The following ASAP2 variants were observed in gnomAD, a reference collection of about 807,000 sequenced individuals.
The protein encoded by ASAP2 is ArfGAP with SH3 domain, ankyrin repeat and PH domain 2, also known as arf-GAP with SH3 domain, ANK repeat and PH domain-containing protein 2.
ASAP2 carries 45 observed loss-of-function variants against 131.4 expected under a neutral mutation model. The ratio of observed to expected loss-of-function variants is 0.34; its 90% confidence interval spans 0.27 to 0.44. The LOEUF (loss-of-function observed/expected upper bound fraction) is 0.44. Among genes scored for constraint, ASAP2 ranks in the 20% least tolerant of loss-of-function variants. The pLI, the probability that ASAP2 is intolerant of heterozygous loss-of-function variation, is 1.00. For missense variants in ASAP2, 1,011 were observed against 1,297.0 expected (o/e 0.78, Z 3.39); for synonymous variants, 510 against 503.0 (o/e 1.01, Z -0.19).
chr2:9,364,675 TG>T (rs1209207811), intron 15 of ASAP2, among the ~76,000 whole-genome samples: 1 of 152,220 alleles, frequency 6.6e-6, no homozygotes, highest in Non-Finnish European at 1.5e-5. Flanking sequence ...AGAGAGCATG[TG>T]GAGAGGAAAG....
intron 8 of ASAP2, 44 bp downstream of exon 8, chr2:9,334,857 CA>C: frequency 6.4e-7 from 1 of 1,556,270 alleles, no homozygotes; most frequent in Non-Finnish European, 8.8e-7. Context: ...CATCTTAATG[CA>C]ACAGACATTT....
At chr2:9,394,026 A>G (rs1435929477) in intron 24 of ASAP2, among the ~76,000 whole-genome samples, 1 of 152,178 alleles carries the variant, frequency 6.6e-6, no homozygotes, top group African/African-American at 2.4e-5. Flanking sequence ...ACATTGTCCT[A>G]CCTCACACAA....
chr2:9,305,174 G>A (rs1668793576), intron 3 of ASAP2, among the ~76,000 whole-genome samples: 1 of 150,782 alleles, frequency 6.6e-6, no homozygotes, highest in African/African-American at 2.5e-5. Flanking sequence ...CTGGAGTAGT[G>A]AGGTATAGAT....
intron 2 of ASAP2, among the ~76,000 whole-genome samples, chr2:9,287,359 G>A (rs1025592071): frequency 1.3e-4 from 20 of 152,188 alleles, no homozygotes; most frequent in Admixed American, 1.2e-3. Context: ...TGAAGTCTTT[G>A]GTGCTTATAA....
chr2:9,207,152 G>A lies in ASAP2; in HGVS notation c.48G>A (p.Glu16=). The change falls in exon 1 of 28, where the codon GAG becomes GAA. Residue 16 remains glutamate (E), a synonymous_variant. Transcript: ENST00000281419. This position sits in a 1 kb window ranked among gnomAD's most constrained non-coding sequence, Gnocchi z 4.1. ...SVSEFVAETH[E]DYKAPTASSF... ...CGGAATTCGTGGCCGAGACCCATGAGGACTACAAGGCGCCCACGGCCTCCA... is the reference window on the plus strand; with the variant it reads ...CGGAATTCGTGGCCGAGACCCATGAAGACTACAAGGCGCCCACGGCCTCCA... The A allele has an allele frequency of 6.2e-7, 1 of 1,605,708 alleles. No homozygotes were observed. The highest frequency in any genetic ancestry group is 8.5e-7 in the Non-Finnish European group (1 of 1,176,602).
intron 19 of ASAP2, among the ~76,000 whole-genome samples, chr2:9,380,002 A>T (rs1181473204): frequency 6.7e-5 from 10 of 149,282 alleles, no homozygotes; most frequent in Middle Eastern, 3.4e-3. Flanking sequence ...AAAAAAAAAA[A>T]ATAAATAAAG....
At chr2:9,334,692 T>C in intron 7 of ASAP2, 46 bp from the exon 8 acceptor site, 1 of 1,560,232 alleles carries the variant, frequency 6.4e-7, no homozygotes, top group Non-Finnish European at 8.8e-7. Context: ...CAAAATTATT[T>C]TTTCCTTTGT....
intron 9 of ASAP2, among the ~76,000 whole-genome samples, chr2:9,340,898 A>G (rs1275177122): frequency 6.6e-6 from 1 of 152,214 alleles, no homozygotes; most frequent in Non-Finnish European, 1.5e-5. Flanking sequence ...TGGGTGTCAC[A>G]GGACAGAGGA....
In ASAP2 at chr2:9,385,237, T is replaced by C; in HGVS notation, c.2017-8T>C. ...GCAACAGCACTGACCATCCCTCTGT[T>C]CTCTCAGCTGACCCAAGCCTTATCT... On this transcript the variant is annotated splice_region_variant and splice_polypyrimidine_tract_variant and intron_variant, in intron 20 of 27. Transcript: ENST00000281419. 2 of 1,603,462 alleles carry C rather than the reference T, an allele frequency of 1.2e-6. No individual in the cohort carries two copies. Among genetic ancestry groups the C allele is most frequent in the Non-Finnish European group, 1.7e-6 (2 of 1,170,320 alleles).
chr2:9,267,432 T>C (rs1271039867), intron 1 of ASAP2, among the ~76,000 whole-genome samples: 13 of 152,162 alleles, frequency 8.5e-5, no homozygotes, highest in Non-Finnish European at 5.9e-5. Flanking sequence ...TGCTTAGGAT[T>C]AGGGCCTGCA....
At chr2:9,299,709 C>T (rs1172806633) in intron 3 of ASAP2, among the ~76,000 whole-genome samples, 3 of 152,212 alleles carry the variant, frequency 2.0e-5, no homozygotes, top group Non-Finnish European at 4.4e-5. Context: ...GGTTCTGCTT[C>T]TCACTCCCAG....
intron 16 of ASAP2, among the ~76,000 whole-genome samples, chr2:9,373,194 G>C (rs1016872463): frequency 1.3e-5 from 2 of 152,178 alleles, no homozygotes; most frequent in African/African-American, 4.8e-5. Context: ...ACTGGAGCCG[G>C]AGCAGGAGGG....
At chr2:9,316,664 C>T (rs1438917906) in intron 3 of ASAP2, among the ~76,000 whole-genome samples, 9 of 152,142 alleles carry the variant, frequency 5.9e-5, no homozygotes, top group East Asian at 1.9e-4. Flanking sequence ...GCTCTGAGTC[C>T]GTACTTGAAG....
chr2:9,344,592 C>A lies in ASAP2; in HGVS notation c.910C>A (p.His304Asn), dbSNP rs1671828433. 6.2e-7 allele frequency: 1 copy of A among 1,614,180 alleles called. No homozygotes were observed. The highest frequency in any genetic ancestry group is 8.5e-7 in the Non-Finnish European group (1 of 1,180,040). Reference protein sequence around the residue: ...SLHQPQGNKEHGTERNGSLYK... With the variant: ...SLHQPQGNKENGTERNGSLYK... ...ACATCAGCCTCAGGGAAACAAGGAA[C>A]ATGGGACCGAGCGGAACGGCAGCCT... The change falls in exon 10 of 28, where the codon CAT becomes AAT. Residue 304 changes from histidine (H) to asparagine (N), a missense_variant. Physicochemically the swap from His to Asn is moderately conservative, Grantham distance 68 (BLOSUM62 1). This residue lies in a region of ASAP2 where 359 missense variants were observed against 598.1 expected (regional missense o/e 0.60). Coordinates refer to ENST00000281419, the MANE Select transcript of ASAP2 (RefSeq NM_003887.3).
At chr2:9,400,273 CTT>C (rs1558405966) in intron 25 of ASAP2, among the ~76,000 whole-genome samples, 11 of 51,506 alleles carry the variant, frequency 2.1e-4, no homozygotes, top group African/African-American at 1.6e-3. Flanking sequence ...TCTTCCTCTC[CTT>C]CCTTCCCTCC....
Position 9,400,190 on chromosome 2 carries a change from G to GCCCTCCGGCCCCCTC in ASAP2, c.2734+124_2734+125insGGCCCCCTCCCCTCC, listed in dbSNP as rs1558405673. ...GGGCCCAGCTGTCTGCCATTCCACAGCCCTCCTGCCCCCTCCCCTCCTGCC... is the reference window on the plus strand; with the variant it reads ...GGGCCCAGCTGTCTGCCATTCCACAGCCCTCCGGCCCCCTCCCCTCCTGCCCCCTCCCCTCCTGCC... On this transcript the variant is annotated intron_variant, in intron 25 of 27. Transcript: ENST00000281419. The GCCCTCCGGCCCCCTC allele has an allele frequency of 5.3e-4, 430 of 805,230 alleles. 8 individuals are homozygous for GCCCTCCGGCCCCCTC. The African/African-American group carries it at 0.01, about 20-fold the overall frequency. The allele number at this position is 805,230 out of a possible 1,614,324, so 49.9% of individuals were successfully genotyped here.
intron 3 of ASAP2, among the ~76,000 whole-genome samples, chr2:9,303,676 C>G (rs1322382319): frequency 6.6e-6 from 1 of 152,254 alleles, no homozygotes; most frequent in Non-Finnish European, 1.5e-5. Context: ...ACTCACAAAT[C>G]TCTAACCAAA....
At chr2:9,375,003 A>C in intron 17 of ASAP2, 59 bp downstream of exon 17, 1 of 1,470,308 alleles carries the variant, frequency 6.8e-7, no homozygotes, top group Non-Finnish European at 9.1e-7. Flanking sequence ...ACGGTGGCTC[A>C]TGCCTGGGAT....
intron 24 of ASAP2, among the ~76,000 whole-genome samples, chr2:9,396,807 G>A (rs1356110892): frequency 1.3e-5 from 2 of 152,188 alleles, no homozygotes; most frequent in Non-Finnish European, 2.9e-5. Context: ...TTCAAGACCT[G>A]CATGGCCAAC....
Sources: allele counts gnomAD v4.1 joint callset (sites outside exome capture counted in the v4.1 genomes callset), GRCh38; gene constraint gnomAD v4.1.1; regional missense constraint gnomAD v4.1.1; non-coding constraint Gnocchi (gnomAD v3.1); transcripts MANE v1.5; gene names NCBI Gene and HGNC (gene_info 2026-07-23, HGNC 2026-07-21).